Variants in PITPNC1 observed in about 807,000 individuals in gnomAD.
PITPNC1 encodes phosphatidylinositol transfer protein cytoplasmic 1.
Under a neutral mutation model 44.7 loss-of-function variants are expected in PITPNC1, and 18 were observed. That is an observed-to-expected ratio of 0.40 (90% CI 0.28 to 0.60). PITPNC1 has a LOEUF of 0.60. PITPNC1 is among the 20% of genes least tolerant of loss of function. PITPNC1 has a pLI of 0.39. For missense variants in PITPNC1, 290 were observed against 418.4 expected, an observed-to-expected ratio of 0.69 and a Z score of 2.68; for synonymous variants, 141 against 149.6, an observed-to-expected ratio of 0.94 and a Z score of 0.42.
intron 5 of PITPNC1, among the ~76,000 whole-genome samples, chr17:67,603,041 C>T (rs1260543088): frequency 6.6e-6 from 1 of 152,072 alleles, no homozygotes; most frequent in Non-Finnish European, 1.5e-5. Context: ...ACACCAGGCC[C>T]CTGGGTCACC....
chr17:67,544,909 A>G (rs2040657658), intron 2 of PITPNC1, among the ~76,000 whole-genome samples: 1 of 152,244 alleles, frequency 6.6e-6, no homozygotes, highest in South Asian at 2.1e-4. Context: ...AGACAGCATC[A>G]GAGACATAGA....
At chr17:67,631,673 A>ATATATATATATATATATATAT (rs1380540532) in intron 5 of PITPNC1, among the ~76,000 whole-genome samples, 48 of 52,460 alleles carry the variant, frequency 9.1e-4, no homozygotes, top group Non-Finnish European at 1.5e-3. Context: ...TATATATATA[A>ATATATATATATATATATATAT]AATATATATT....
Position 67,692,805 on chromosome 17 carries a change from C to T in PITPNC1, c.916C>T (p.Leu306Phe), listed in dbSNP as rs747294926. ...RKKSAPETLTLPDPEKKATLN... is the reference protein window; with the variant it reads ...RKKSAPETLTFPDPEKKATLN... ...AAAGTCTGCCCCAGAAACTCTCACACTTCCAGACCCTGAGAAAAAAGCCAC... is the reference window on the plus strand; with the variant it reads ...AAAGTCTGCCCCAGAAACTCTCACATTTCCAGACCCTGAGAAAAAAGCCAC... Residue 306 changes from leucine to phenylalanine, a missense_variant, in exon 9 of 9, where the codon CTT (leucine) becomes TTT (phenylalanine). Transcript: ENST00000581322. The T allele has an allele frequency of 3.9e-5, 63 of 1,613,658 alleles. No homozygotes were observed. In the South Asian group the frequency reaches 5.7e-4, roughly 15 times the overall value.
chr17:67,462,860 G>A (rs1332626536), intron 1 of PITPNC1, among the ~76,000 whole-genome samples: 1 of 152,122 alleles, frequency 6.6e-6, no homozygotes, highest in East Asian at 1.9e-4. Flanking sequence ...GGGCCGCTAC[G>A]CCCGGCTAAT....
At position 67,694,736 on chromosome 17, in the gene PITPNC1, A is replaced by C. The variant is rs1489145774; in HGVS notation, c.*1848A>C. ...TAGTAAGACACCTTCTATGCATGGT[A>C]TGGAAGCATGATTTTTGCTTGTGGG... On this transcript the variant is annotated 3_prime_UTR_variant, in exon 9 of 9. Coordinates refer to ENST00000581322, the MANE Select transcript of PITPNC1 (RefSeq NM_012417.4). 2 of 152,206 alleles carry C rather than the reference A, an allele frequency of 1.3e-5. No homozygotes were observed. Among genetic ancestry groups the C allele is most frequent in the Non-Finnish European group, 2.9e-5 (2 of 68,030 alleles). The allele number at this position is 152,206 out of a possible 1,614,324, so 9.4% of individuals were successfully genotyped here. A position where few individuals can be genotyped will look rare whatever the true frequency, so the allele number is the denominator to read the frequency against.
intron 1 of PITPNC1, among the ~76,000 whole-genome samples, chr17:67,427,356 G>A (rs1398134404): frequency 2.6e-5 from 4 of 151,988 alleles, no homozygotes; most frequent in Admixed American, 2.0e-4. Flanking sequence ...GACCACAGGC[G>A]CCCGCAACCA....
chr17:67,602,058 A>C (rs1042809437), intron 5 of PITPNC1, among the ~76,000 whole-genome samples: 14 of 152,182 alleles, frequency 9.2e-5, no homozygotes, highest in Non-Finnish European at 2.1e-4. Flanking sequence ...AAGTCTTGGC[A>C]GTGTGGTGAT....
intron 1 of PITPNC1, among the ~76,000 whole-genome samples, chr17:67,414,814 A>T (rs968198919): frequency 1.3e-5 from 2 of 151,938 alleles, no homozygotes; most frequent in African/African-American, 4.8e-5. Context: ...GAATTGAAAT[A>T]CTCATCAGTT....
At chr17:67,453,009 T>C (rs1008744820) in intron 1 of PITPNC1, among the ~76,000 whole-genome samples, 2 of 152,174 alleles carry the variant, frequency 1.3e-5, no homozygotes, top group Admixed American at 6.6e-5. Context: ...TGTACTCTTT[T>C]AAAACTGCTT....
At chr17:67,442,183 G>A (rs1439478677) in intron 1 of PITPNC1, among the ~76,000 whole-genome samples, 5 of 132,248 alleles carry the variant, frequency 3.8e-5, no homozygotes, top group Non-Finnish European at 7.9e-5. Flanking sequence ...CCATATTGGA[G>A]CTGGATCAGG....
chr17:67,659,841 G>T (rs1299794059), intron 6 of PITPNC1, among the ~76,000 whole-genome samples: 1 of 152,056 alleles, frequency 6.6e-6, no homozygotes, highest in Non-Finnish European at 1.5e-5. Context: ...GTATACACCT[G>T]TGAAACCATC....
At chr17:67,590,580 A>G (rs2041376327) in intron 5 of PITPNC1, among the ~76,000 whole-genome samples, 1 of 152,228 alleles carries the variant, frequency 6.6e-6, no homozygotes, top group Non-Finnish European at 1.5e-5. Flanking sequence ...CTAGTATGTG[A>G]AAAGTTTGAT....
intron 5 of PITPNC1, among the ~76,000 whole-genome samples, chr17:67,616,164 G>A (rs2041755409): frequency 6.6e-6 from 1 of 152,036 alleles, no homozygotes; most frequent in South Asian, 2.1e-4. Context: ...TGTTGAGATG[G>A]AGTTTCATTC....
At chr17:67,689,739 T>C (rs1300068503) in intron 8 of PITPNC1, among the ~76,000 whole-genome samples, 1 of 152,242 alleles carries the variant, frequency 6.6e-6, no homozygotes, top group East Asian at 1.9e-4. Context: ...CTTTAGATTA[T>C]TTCTGCCCCC....
In PITPNC1 at chr17:67,692,461, C is replaced by A; in HGVS notation, c.683-111C>A. The A allele has an allele frequency of 5.4e-6, 4 of 744,358 alleles. No individual in the cohort carries two copies. In the South Asian group the frequency reaches 7.1e-5, roughly 13 times the overall value. 46.1% of individuals were successfully genotyped at this position (744,358 alleles called of 1,614,324 possible). The stretch of plus-strand genomic sequence containing the variant: ...ACTTTGGGTGTATAATCGGGAGAGG[C>A]CCCTTTATGATAGGGTTCCCATAGT... On this transcript the variant is annotated intron_variant, in intron 8 of 8. Coordinates refer to ENST00000581322, the MANE Select transcript of PITPNC1 (RefSeq NM_012417.4).
chr17:67,652,070 G>A (rs139843175), intron 6 of PITPNC1, among the ~76,000 whole-genome samples: 3 of 152,308 alleles, frequency 2.0e-5, no homozygotes, highest in East Asian at 1.9e-4. Flanking sequence ...ATTCCTGGCT[G>A]GAGTTCCTGC....
chr17:67,596,875 A>G (rs533162170), intron 5 of PITPNC1, among the ~76,000 whole-genome samples: 3 of 151,922 alleles, frequency 2.0e-5, no homozygotes, highest in Admixed American at 6.6e-5. Flanking sequence ...TGTTTTTAAA[A>G]TGATAGTGTT....
chr17:67,526,582 C>T (rs1427872984), intron 1 of PITPNC1, among the ~76,000 whole-genome samples: 2 of 151,912 alleles, frequency 1.3e-5, no homozygotes, highest in Non-Finnish European at 2.9e-5. Flanking sequence ...AATAACAAAA[C>T]TTAGCCAGGC....
chr17:67,498,717 G>A (rs1443721090), intron 1 of PITPNC1, among the ~76,000 whole-genome samples: 1 of 152,260 alleles, frequency 6.6e-6, no homozygotes, highest in South Asian at 2.1e-4. Flanking sequence ...GTTATTTTCT[G>A]TTATTTTGAT....
Sources: gnomAD v4.1 joint callset for allele counts (sites outside exome capture counted in the v4.1 genomes callset) on GRCh38, gnomAD v4.1.1 for gene constraint, MANE v1.5 for transcripts, NCBI Gene and HGNC (gene_info 2026-07-23, HGNC 2026-07-21) for gene names.